Variants in SGO2 observed in about 807,000 individuals in gnomAD.
SGO2 encodes the protein shugoshin 2, also known as shugoshin-like 2.
SGO2 carries 68 observed loss-of-function variants against 99.5 expected under a neutral mutation model. The observed-to-expected ratio is 0.68, with a 90% CI of 0.56 to 0.84. The LOEUF (loss-of-function observed/expected upper bound fraction) is 0.84, where lower values mean the gene tolerates loss of function less well. Among genes scored for constraint, SGO2 ranks in the 40% least tolerant of loss-of-function variants. The probability of loss-of-function intolerance (pLI) is 0.00; values close to 1 mark genes in which losing one functional copy is unlikely to be tolerated. For missense variants in SGO2, 1,350 were observed against 1,436.7 expected (o/e 0.94, Z 0.97); for synonymous variants, 457 against 487.1 (o/e 0.94, Z 0.81).
chr2:200,574,856 T>C (rs181720662), intron 7 of SGO2, among the ~76,000 whole-genome samples: 1 of 152,052 alleles, frequency 6.6e-6, no homozygotes, highest in African/African-American at 2.4e-5. Flanking sequence ...AAATTTTTAC[T>C]GGGAGCCTAT....
intron 5 of SGO2, among the ~76,000 whole-genome samples, chr2:200,568,911 ATTTTTGT>A (rs774196856): frequency 0.22 from 33,169 of 151,938 alleles, 3,743 homozygotes; most frequent in South Asian, 0.32. Flanking sequence ...CTCTCCGTTT[ATTTTTGT>A]TAACTTGTTT....
At chr2:200,565,575 A>G (rs1472070321) in intron 5 of SGO2, among the ~76,000 whole-genome samples, 1 of 152,036 alleles carries the variant, frequency 6.6e-6, no homozygotes, top group Non-Finnish European at 1.5e-5. Flanking sequence ...TCTTTGTGGC[A>G]TTCTCTGTAT....
Position 200,535,103 on chromosome 2 carries a change from C to G in SGO2, c.241C>G (p.Leu81Val). Reference protein sequence around the residue: ...NSRRITTEKMLLQKEVEKLNF... With the variant: ...NSRRITTEKMVLQKEVEKLNF... ...TCGAAGAATTACAACTGAAAAGATG[C>G]TATTGCAAAAAGAAGTAGAGAAACT... Residue 81 changes from leucine to valine, a missense_variant, in exon 3 of 9, where the codon CTA becomes GTA. Leu to Val is a conservative substitution (Grantham distance 32). Coordinates refer to ENST00000357799, the MANE Select transcript of SGO2 (RefSeq NM_152524.6). 6.4e-7 allele frequency: 1 copy of G among 1,556,420 alleles called. No individual in the cohort carries two copies. Among genetic ancestry groups the G allele is most frequent in the South Asian group, 1.2e-5 (1 of 80,740 alleles).
chr2:200,555,783 G>A (rs2032686406), intron 5 of SGO2, among the ~76,000 whole-genome samples: 1 of 152,144 alleles, frequency 6.6e-6, no homozygotes, highest in Admixed American at 6.5e-5. Flanking sequence ...ACCCCTGAAA[G>A]TCAAAAATAT....
chr2:200,577,963 G>A (rs1283823373), intron 8 of SGO2, among the ~76,000 whole-genome samples: 4 of 152,036 alleles, frequency 2.6e-5, no homozygotes, highest in Non-Finnish European at 2.9e-5. Flanking sequence ...TATTGTTAAT[G>A]AACATGGGAG....
Position 200,526,632 on chromosome 2 carries a change from C to T in SGO2, c.-3+380C>T, listed in dbSNP as rs140528566. ...GGAATGAATGTTAGGGACTGCGTGC[C>T]AAAGTTCTCGAAGGAGCCCTCTCGT... On this transcript the variant is annotated intron_variant, in intron 1 of 8. Coordinates refer to ENST00000357799, the MANE Select transcript of SGO2 (RefSeq NM_152524.6). The surrounding 1 kb of genome is among the most constrained non-coding windows in gnomAD (Gnocchi z 4.8). Among the ~76,000 whole-genome samples, 154 of 152,170 alleles carry T rather than the reference C, an allele frequency of 1.0e-3. No homozygotes were observed. Among genetic ancestry groups the T allele is most frequent in the African/African-American group, 3.5e-3 (147 of 41,510 alleles).
At position 200,571,690 on chromosome 2, in the gene SGO2, C is replaced by A; in HGVS notation, c.1344C>A (p.Pro448=). The change falls in exon 7 of 9, where the codon CCC becomes CCA. Residue 448 remains proline (P), a synonymous_variant. Transcript: ENST00000357799. ...ATGGCAAAAGGGGTGCAGAAGATCC[C>A]GGTTTTATTTTCAATAATGAACAGC... ...VLDGKRGAED[P]GFIFNNEQLA... 6.2e-7 allele frequency: 1 copy of A among 1,613,504 alleles called. No homozygotes were observed. The highest frequency in any genetic ancestry group is 8.5e-7 in the Non-Finnish European group (1 of 1,179,682).
intron 4 of SGO2, among the ~76,000 whole-genome samples, chr2:200,538,628 G>A (rs1411047399): frequency 7.2e-5 from 11 of 152,230 alleles, no homozygotes; most frequent in Middle Eastern, 3.4e-3. Flanking sequence ...TAAAATATTA[G>A]GTAGTGTTTC....
chr2:200,546,092 A>C (rs1459579144), intron 5 of SGO2, among the ~76,000 whole-genome samples: 1 of 152,108 alleles, frequency 6.6e-6, no homozygotes, highest in African/African-American at 2.4e-5. Flanking sequence ...GCAGTGGTCA[A>C]CCATTTACTA....
Position 200,576,907 on chromosome 2 carries a change from T to C in SGO2, c.3782+1446T>C, listed in dbSNP as rs576095134. 3.9e-5 allele frequency among the ~76,000 whole-genome samples: 6 copies of C among 152,348 alleles called. No individual in the cohort carries two copies. The East Asian group carries it at 1.2e-3, about 29-fold the overall frequency. ...TTTTTATGACTGGATAATATTCCAT[T>C]GTGTAGATGTACCACATTTTGTTCA... On this transcript the variant is annotated intron_variant, in intron 8 of 8. Coordinates refer to ENST00000357799, the MANE Select transcript of SGO2 (RefSeq NM_152524.6).
chr2:200,559,548 GC>G (rs2032857773), intron 5 of SGO2, among the ~76,000 whole-genome samples: 1 of 151,836 alleles, frequency 6.6e-6, no homozygotes, highest in Non-Finnish European at 1.5e-5. Context: ...AAAAAAATAA[GC>G]ATTTAAGGTT....
intron 5 of SGO2, among the ~76,000 whole-genome samples, chr2:200,556,194 G>A (rs938854133): frequency 6.6e-6 from 1 of 152,248 alleles, no homozygotes; most frequent in East Asian, 1.9e-4. Context: ...TCGAACTCCT[G>A]ACCTCAGGTG....
Position 200,573,445 on chromosome 2 carries a change from T to C in SGO2, c.3099T>C (p.Asp1033=). The change falls in exon 7 of 9, where the codon GAT becomes GAC. Residue 1033 remains aspartate, a synonymous_variant. Coordinates refer to ENST00000357799, the MANE Select transcript of SGO2 (RefSeq NM_152524.6). ...ATATTACTAGTGAAGCAGATTCTGA[T>C]CCAGGAAACCCAGTTGAACTATGTA... ...LKHITSEADS[D]PGNPVELCKT... is the part of the protein sequence containing the mutation. 1 of 1,609,912 alleles carries C rather than the reference T, an allele frequency of 6.2e-7. No homozygotes were observed. The highest frequency in any genetic ancestry group is 8.5e-7 in the Non-Finnish European group (1 of 1,178,696).
chr2:200,551,199 A>G (rs1371518844), intron 5 of SGO2, among the ~76,000 whole-genome samples: 1 of 152,136 alleles, frequency 6.6e-6, no homozygotes, highest in African/African-American at 2.4e-5. Context: ...TTGCAGCACT[A>G]TTCACAATAG....
Position 200,532,955 on chromosome 2 carries a change from T to A in SGO2, c.-2-19T>A, listed in dbSNP as rs1559197397. On this transcript the variant is annotated intron_variant, in intron 1 of 8. Transcript: ENST00000357799. ...TCTTTTATTAATCAATACTATGATT[T>A]TTTTTTCTTTCACTTCAGTGATGGA... 7 of 1,598,590 alleles carry A rather than the reference T, an allele frequency of 4.4e-6. No individual in the cohort carries two copies. Among genetic ancestry groups the A allele is most frequent in the Non-Finnish European group, 6.0e-6 (7 of 1,175,742 alleles).
In SGO2 at chr2:200,535,177, T is replaced by C; in HGVS notation, c.309+6T>C. The C allele has an allele frequency of 1.3e-6, 2 of 1,500,424 alleles. No homozygotes were observed. Among genetic ancestry groups the C allele is most frequent in the South Asian group, 1.4e-5 (1 of 72,888 alleles). 92.9% of individuals were successfully genotyped at this position (1,500,424 alleles called of 1,614,324 possible). ...GCCTAAAGCTAAATAACTTGGTATG[T>C]AAGCTATATTGTTTTTGAATTCTAA... On this transcript the variant is annotated splice_donor_region_variant and intron_variant, in intron 3 of 8. Coordinates refer to ENST00000357799, the MANE Select transcript of SGO2 (RefSeq NM_152524.6).
rs13392631 is a variant in SGO2, at chr2:200,532,286, T to G, written c.-2-688T>G. ...CAGAGTTTTTTGTTTTTTTTTTTGT[T>G]TTTTTTTTTTTTTCAGATCTCTTCA... On this transcript the variant is annotated intron_variant, in intron 1 of 8. Transcript: ENST00000357799. 2.6e-5 allele frequency: 12 copies of G among 460,218 alleles called. 1 individual carries two copies. The East Asian group carries it at 9.5e-4, about 36-fold the overall frequency. The allele number at this position is 460,218 out of a possible 1,614,324, so 28.5% of individuals were successfully genotyped here.
rs894295839 is a variant in SGO2, at chr2:200,570,536, TAC to T, written c.704-504_704-503del. ...GGCATATGTATATGTATATAATATA[TAC>T]ACACACACATATATACACACATATA... On this transcript the variant is annotated intron_variant, in intron 6 of 8. Transcript: ENST00000357799. The surrounding 1 kb of genome is among the most constrained non-coding windows in gnomAD (Gnocchi z 4.4). Among the ~76,000 whole-genome samples, 20 of 142,670 alleles carry T rather than the reference TAC, an allele frequency of 1.4e-4. No homozygotes were observed. The highest frequency in any genetic ancestry group is 4.2e-4 in the East Asian group (2 of 4,772). The allele number at this position is 142,670 out of a possible 152,430, so 93.6% of individuals were successfully genotyped here.
intron 8 of SGO2, among the ~76,000 whole-genome samples, chr2:200,577,409 A>T (rs1385902721): frequency 2.0e-5 from 3 of 152,206 alleles, no homozygotes; most frequent in Non-Finnish European, 4.4e-5. Flanking sequence ...GTTAAACTTT[A>T]TTTTGAACTA....
Sources: gnomAD v4.1 joint callset for allele counts (sites outside exome capture counted in the v4.1 genomes callset) on GRCh38, gnomAD v4.1.1 for gene constraint, Gnocchi (gnomAD v3.1) non-coding constraint, MANE v1.5 for transcripts, NCBI Gene and HGNC (gene_info 2026-07-23, HGNC 2026-07-21) for gene names.